The following PTPRO variants were observed in gnomAD, a reference collection of about 807,000 sequenced individuals.
The protein encoded by PTPRO is receptor-type tyrosine-protein phosphatase O.
A neutral mutation model predicts 145.2 loss-of-function variants in PTPRO; 62 were observed. That is an observed-to-expected ratio of 0.43 (90% CI 0.35 to 0.53). The LOEUF (loss-of-function observed/expected upper bound fraction) is 0.53. Ranked by LOEUF, PTPRO falls within the 20% of genes least tolerant of loss-of-function variation. The pLI, the probability that PTPRO is intolerant of heterozygous loss-of-function variation, is 0.01. For missense variants in PTPRO, 1,345 were observed against 1,482.7 expected (o/e 0.91, Z 1.53); for synonymous variants, 565 against 514.7 (o/e 1.10, Z -1.32).
chr12:15,378,861 A>G (rs568947048), intron 1 of PTPRO, among the ~76,000 whole-genome samples: 1 of 152,294 alleles, frequency 6.6e-6, no homozygotes, highest in African/African-American at 2.4e-5. Context: ...AGACAACCGT[A>G]GACAATGGAT....
At chr12:15,538,753 C>A (rs183358736) in intron 12 of PTPRO, among the ~76,000 whole-genome samples, 6 of 152,316 alleles carry the variant, frequency 3.9e-5, no homozygotes, top group Non-Finnish European at 7.4e-5. Flanking sequence ...CACTTATATG[C>A]AACTGACTGG....
chr12:15,456,060 A>G (rs2136387695), intron 1 of PTPRO, among the ~76,000 whole-genome samples: 1 of 152,300 alleles, frequency 6.6e-6, no homozygotes, highest in South Asian at 2.1e-4. Flanking sequence ...GATTTTAGAG[A>G]AAAAACTTTC....
chr12:15,509,976 T>C (rs989867987), intron 7 of PTPRO, among the ~76,000 whole-genome samples: 1 of 152,118 alleles, frequency 6.6e-6, no homozygotes, highest in African/African-American at 2.4e-5. Context: ...TGGCCTTATG[T>C]TTTTACAAGG....
intron 1 of PTPRO, among the ~76,000 whole-genome samples, chr12:15,436,679 C>T (rs2136350480): frequency 6.6e-6 from 1 of 152,306 alleles, no homozygotes; most frequent in South Asian, 2.1e-4. Flanking sequence ...GAGTAGGATG[C>T]CATTTTAAAT....
intron 15 of PTPRO, among the ~76,000 whole-genome samples, chr12:15,553,236 C>T (rs1462753750): frequency 2.6e-5 from 4 of 152,090 alleles, no homozygotes; most frequent in African/African-American, 9.7e-5. Context: ...TCATGGAGCT[C>T]ATATTCTAGT....
chr12:15,571,599 A>G (rs530012323), intron 19 of PTPRO, among the ~76,000 whole-genome samples: 2 of 152,156 alleles, frequency 1.3e-5, no homozygotes, highest in African/African-American at 2.4e-5. Context: ...CCTCTTTTTC[A>G]TAGTGAAAAG....
At chr12:15,492,442 C>T (rs1464081358) in intron 2 of PTPRO, among the ~76,000 whole-genome samples, 1 of 151,978 alleles carries the variant, frequency 6.6e-6, no homozygotes, top group Non-Finnish European at 1.5e-5. Context: ...TAGTGCAGTG[C>T]TGTGCCTACA....
intron 15 of PTPRO, among the ~76,000 whole-genome samples, 177 bp downstream of exon 15, chr12:15,551,848 T>C (rs1034992608): frequency 3.3e-5 from 5 of 152,068 alleles, no homozygotes; most frequent in Non-Finnish European, 7.4e-5. Flanking sequence ...TTGGAAAATA[T>C]TACCATTGAA....
intron 6 of PTPRO, among the ~76,000 whole-genome samples, chr12:15,507,148 C>T (rs1035849487): frequency 6.6e-6 from 1 of 152,060 alleles, no homozygotes; most frequent in Admixed American, 6.6e-5. Context: ...CACGGTGGCT[C>T]ACACCTATAA....
At chr12:15,372,077 G>A (rs1353795336) in intron 1 of PTPRO, among the ~76,000 whole-genome samples, 27 of 152,084 alleles carry the variant, frequency 1.8e-4, no homozygotes, top group Non-Finnish European at 2.1e-4. Context: ...TGTCTTTGAA[G>A]GCAATTTTAC....
chr12:15,570,450 A>C (rs1314075224), intron 19 of PTPRO, among the ~76,000 whole-genome samples: 1 of 152,198 alleles, frequency 6.6e-6, no homozygotes, highest in Admixed American at 6.5e-5. Flanking sequence ...AAAAAGCATC[A>C]GTGGTCCTGG....
At chr12:15,352,795 C>T (rs1937854191) in intron 1 of PTPRO, among the ~76,000 whole-genome samples, 1 of 152,160 alleles carries the variant, frequency 6.6e-6, no homozygotes, top group African/African-American at 2.4e-5. Context: ...CCTTGATACA[C>T]ACGAATTGGA....
At chr12:15,561,794 A>G (rs926911352) in intron 17 of PTPRO, among the ~76,000 whole-genome samples, 2 of 152,180 alleles carry the variant, frequency 1.3e-5, no homozygotes, top group African/African-American at 4.8e-5. Flanking sequence ...TGCAAATAAA[A>G]TGAAAGAAAG....
intron 15 of PTPRO, among the ~76,000 whole-genome samples, chr12:15,552,985 A>G (rs909101582): frequency 1.3e-5 from 2 of 151,728 alleles, no homozygotes; most frequent in African/African-American, 2.4e-5. Flanking sequence ...TTTTTAGTAG[A>G]CACAGGGTTT....
intron 1 of PTPRO, among the ~76,000 whole-genome samples, chr12:15,352,563 A>G (rs1937841566): frequency 6.6e-6 from 1 of 150,934 alleles, no homozygotes; most frequent in South Asian, 2.1e-4. Context: ...AGGCAGGAGA[A>G]TGGTGTGAAC....
chr12:15,451,374 T>C (rs1481512253), intron 1 of PTPRO, among the ~76,000 whole-genome samples: 1 of 150,450 alleles, frequency 6.6e-6, no homozygotes, highest in Non-Finnish European at 1.5e-5. Flanking sequence ...AGAAATGAGA[T>C]AGACAGCAGC....
intron 1 of PTPRO, among the ~76,000 whole-genome samples, chr12:15,360,794 A>ATGTGTGTATATATACGTGTGTATATATG (rs1938155695): frequency 6.9e-6 from 1 of 144,940 alleles, no homozygotes; most frequent in Admixed American, 6.9e-5. Flanking sequence ...ATGTGTGTAT[A>ATGTGTGTATATATACGTGTGTATATATG]TGTGTGTATA....
chr12:15,505,142 A>G (rs1942296282), intron 6 of PTPRO, among the ~76,000 whole-genome samples: 1 of 152,230 alleles, frequency 6.6e-6, no homozygotes. Flanking sequence ...TTCTTTCTGC[A>G]CCAGTACAGA....
At chr12:15,593,740 A>T (rs1362051518) in intron 25 of PTPRO, among the ~76,000 whole-genome samples, 3 of 152,188 alleles carry the variant, frequency 2.0e-5, no homozygotes, top group Admixed American at 2.0e-4. Flanking sequence ...CACACCATTT[A>T]TTAGCACTTT....
Sources: gnomAD v4.1 joint callset for allele counts (sites outside exome capture counted in the v4.1 genomes callset) on GRCh38, gnomAD v4.1.1 for gene constraint, MANE v1.5 for transcripts, NCBI Gene and HGNC (gene_info 2026-07-23, HGNC 2026-07-21) for gene names.